Variants in HEATR1 observed in about 807,000 individuals in gnomAD.
The protein encoded by HEATR1 is HEAT repeat containing 1.
A neutral mutation model predicts 248.2 loss-of-function variants in HEATR1; 77 were observed. The observed-to-expected ratio is 0.31, with a 90% CI of 0.26 to 0.37. The LOEUF is 0.37. Ranked by LOEUF, HEATR1 falls within the 10% of genes least tolerant of loss-of-function variation. HEATR1 has a pLI of 1.00. For missense variants in HEATR1, 2,420 were observed against 2,504.9 expected (o/e 0.97, Z 0.72); for synonymous variants, 897 against 923.1 (o/e 0.97, Z 0.51).
At chr1:236,596,105 T>G (rs1454401199) in intron 6 of HEATR1, 61 bp from the exon 7 acceptor site, 2 of 1,219,904 alleles carry the variant, frequency 1.6e-6, no homozygotes, top group Non-Finnish European at 2.3e-6. Context: ...CTACTTTAAA[T>G]GTTAATCTGA....
intron 24 of HEATR1, 137 bp from the exon 25 acceptor site, chr1:236,572,965 C>A (rs1033788182): frequency 2.6e-6 from 2 of 764,742 alleles, no homozygotes; most frequent in African/African-American, 1.7e-5. Flanking sequence ...GAACCCCCCC[C>A]AGCATTGGAT....
At position 236,558,419 on chromosome 1, in the gene HEATR1, T is replaced by G; in HGVS notation, c.5022A>C (p.Leu1674Phe). The G allele has an allele frequency of 6.2e-7, 1 of 1,614,204 alleles. No homozygotes were observed. Among genetic ancestry groups the G allele is most frequent in the Non-Finnish European group, 8.5e-7 (1 of 1,180,012 alleles). Reference sequence around the variant, plus strand: ...CACCAAAATTCTTGCATAAAAGCTTTAAGGTATACAACGCTGTCTGTCTGT... The same window carrying G: ...CACCAAAATTCTTGCATAAAAGCTTGAAGGTATACAACGCTGTCTGTCTGT... ...AINRQTALYT[L>F]KLLCKNFGAE... Residue 1674 changes from leucine (L) to phenylalanine (F), a missense_variant, in exon 36 of 45, where the codon TTA becomes TTC. Physicochemically the swap from Leu to Phe is conservative, Grantham distance 22. Coordinates refer to ENST00000366582, the MANE Select transcript of HEATR1 (RefSeq NM_018072.6).
rs73114880 is a variant in HEATR1 at position 236,595,868 on chromosome 1, G to T, written c.921C>A (p.Leu307=). ...IKDGLSCLIV[L]LQRQKPESLG... is the part of the protein sequence containing the mutation. Reference sequence around the variant, plus strand: ...GGCTCTCTGGCTTCTGTCTCTGCAGGAGCACTATCAAGCAACTTAACCCAT... The same window carrying T: ...GGCTCTCTGGCTTCTGTCTCTGCAGTAGCACTATCAAGCAACTTAACCCAT... Residue 307 remains leucine, a synonymous_variant, in exon 7 of 45, where the codon CTC becomes CTA. Coordinates refer to ENST00000366582, the MANE Select transcript of HEATR1 (RefSeq NM_018072.6). 1.4e-3 allele frequency: 2,250 copies of T among 1,613,828 alleles called. 32 individuals are homozygous for T. In the African/African-American group the frequency reaches 0.026, roughly 19 times the overall value.
intron 12 of HEATR1, among the ~76,000 whole-genome samples, chr1:236,590,326 CAA>C (rs1663999433): frequency 6.6e-6 from 1 of 152,110 alleles, no homozygotes; most frequent in Admixed American, 6.5e-5. Flanking sequence ...CTCTCACACC[CAA>C]GAGATCCTCC....
chr1:236,604,108 C>T lies in HEATR1; in HGVS notation c.-13G>A, dbSNP rs1664403334. 2 of 1,547,746 alleles carry T rather than the reference C, an allele frequency of 1.3e-6. No individual in the cohort carries two copies. The highest frequency in any genetic ancestry group is 2.4e-5 in the East Asian group (1 of 41,914). On this transcript the variant is annotated 5_prime_UTR_variant, in exon 2 of 45. Transcript: ENST00000366582. ...CTAAGGACGTCATCTTTCACGCCAGCGGAGTTTTAATGACACGGGCTAAAA... is the reference window on the plus strand; with the variant it reads ...CTAAGGACGTCATCTTTCACGCCAGTGGAGTTTTAATGACACGGGCTAAAA...
At chr1:236,591,228 A>G (rs975435537) in intron 11 of HEATR1, among the ~76,000 whole-genome samples, 1 of 152,186 alleles carries the variant, frequency 6.6e-6, no homozygotes, top group Admixed American at 6.5e-5. Context: ...GTAATTTTGT[A>G]TTTTGTATGC....
rs1174575896 is a variant in HEATR1 at position 236,566,704 on chromosome 1, A to G, written c.4250T>C (p.Ile1417Thr). The change falls in exon 30 of 45, where the codon ATC becomes ACC. Residue 1417 changes from isoleucine (I) to threonine (T), a missense_variant. By Grantham distance (89) the Ile-to-Thr change is moderately conservative (BLOSUM62 -1). Transcript: ENST00000366582. Reference protein sequence around the residue: ...GAEKFLWILLILLFEQYVTKT... With the variant: ...GAEKFLWILLTLLFEQYVTKT... ...TGTGACATACTGTTCAAAAAGCAAG[A>G]TGAGGAGAATCCAGAGGAATTTCTC... is the stretch of plus-strand genomic sequence containing the variant. The G allele has an allele frequency of 6.2e-7, 1 of 1,614,050 alleles. No homozygotes were observed. The highest frequency in any genetic ancestry group is 8.5e-7 in the Non-Finnish European group (1 of 1,180,036).
In HEATR1 at chr1:236,574,310, G is replaced by A. The variant is rs139299192; in HGVS notation, c.3351C>T (p.Ala1117=). The A allele has an allele frequency of 2.5e-6, 4 of 1,608,696 alleles. No homozygotes were observed. The highest frequency in any genetic ancestry group is 2.7e-5 in the African/African-American group (2 of 74,530). ...TCTGCTGAACTTTTTCATCTGATAT[G>A]GCTGCAAAAAATGGTTTTGTAATCT... ...LEKITKPFFA[A]ISDEKVQQKL... Residue 1117 remains alanine (A), a synonymous_variant, in exon 24 of 45, where the codon GCC becomes GCT. Transcript: ENST00000366582.
chr1:236,560,114 C>T (rs1249596461), intron 33 of HEATR1, among the ~76,000 whole-genome samples: 1 of 149,710 alleles, frequency 6.7e-6, no homozygotes, highest in African/African-American at 2.5e-5. Context: ...GTTTAAGGAA[C>T]TCACTCATAT....
In HEATR1 at chr1:236,603,365, G is replaced by A. The variant is rs748185178; in HGVS notation, c.154C>T (p.Leu52=). 7 of 1,613,548 alleles carry A rather than the reference G, an allele frequency of 4.3e-6. No homozygotes were observed. Among genetic ancestry groups the A allele is most frequent in the Non-Finnish European group, 5.9e-6 (7 of 1,179,910 alleles). ...GGATCAATTCCAAGCAACTCTTCCAGGCCAGTACATCCTAAATTTCAAAAA... is the reference window on the plus strand; with the variant it reads ...GGATCAATTCCAAGCAACTCTTCCAAGCCAGTACATCCTAAATTTCAAAAA... ...DTAFAIGCTG[L]EELLGIDPSF... Residue 52 remains leucine, a synonymous_variant, in exon 3 of 45, where the codon CTG becomes TTG. Coordinates refer to ENST00000366582, the MANE Select transcript of HEATR1 (RefSeq NM_018072.6).
At chr1:236,595,496 C>T in intron 8 of HEATR1, 44 bp downstream of exon 8, 1 of 1,525,344 alleles carries the variant, frequency 6.6e-7, no homozygotes, top group South Asian at 1.2e-5. Context: ...ATTTTAAGAT[C>T]AAATCTTAGA....
Position 236,555,331 on chromosome 1 carries a change from G to A in HEATR1, c.5888C>T (p.Ala1963Val). 4 of 1,614,180 alleles carry A rather than the reference G, an allele frequency of 2.5e-6. No individual in the cohort carries two copies. The highest frequency in any genetic ancestry group is 3.4e-6 in the Non-Finnish European group (4 of 1,180,022). Residue 1963 changes from alanine to valine, a missense_variant, in exon 41 of 45, where the codon GCT (alanine) becomes GTT (valine). Physicochemically the swap from Ala to Val is moderately conservative, Grantham distance 64. Transcript: ENST00000366582. Reference sequence around the variant, plus strand: ...GATGTTCACCTGGTTCAAGGTGTCAGCAAAAGGCTTCACTAAGTGGCCGGC... The same window carrying A: ...GATGTTCACCTGGTTCAAGGTGTCAACAAAAGGCTTCACTAAGTGGCCGGC... The part of the protein sequence containing the change: ...LFAGHLVKPF[A>V]DTLNQVNISK...
At chr1:236,555,045 A>G (rs1662920777) in intron 41 of HEATR1, among the ~76,000 whole-genome samples, 2 of 152,192 alleles carry the variant, frequency 1.3e-5, no homozygotes, top group African/African-American at 4.8e-5. Context: ...TTTTAAAGTT[A>G]CTTCCAGTAA....
intron 36 of HEATR1, 65 bp from the exon 37 acceptor site, chr1:236,557,410 A>G: frequency 6.5e-7 from 1 of 1,542,730 alleles, no homozygotes. Context: ...AATGGAGTAG[A>G]GGGCATTATG....
Position 236,582,822 on chromosome 1 carries a change from G to C in HEATR1, c.2476C>G (p.Leu826Val). 2 of 1,613,942 alleles carry C rather than the reference G, an allele frequency of 1.2e-6. No homozygotes were observed. Among genetic ancestry groups the C allele is most frequent in the Non-Finnish European group, 1.7e-6 (2 of 1,179,790 alleles). ...EQLKEDSRDY[L>V]HLLIGLFEMM... ...TCAAACAGCCCAATGAGCAAGTGCAGATAGTCCCTGCTGTCTTCTTTCAGT... is the reference window on the plus strand; with the variant it reads ...TCAAACAGCCCAATGAGCAAGTGCACATAGTCCCTGCTGTCTTCTTTCAGT... The change falls in exon 19 of 45, where the codon CTG becomes GTG. Residue 826 changes from leucine to valine, a missense_variant. Coordinates refer to ENST00000366582, the MANE Select transcript of HEATR1 (RefSeq NM_018072.6).
intron 3 of HEATR1, among the ~76,000 whole-genome samples, chr1:236,601,996 G>A (rs1401139321): frequency 2.0e-5 from 3 of 151,876 alleles, no homozygotes; most frequent in African/African-American, 7.3e-5. Context: ...AAAATTAACT[G>A]GGCGTAGTGG....
chr1:236,587,889 TGAG>T (rs1663936104), intron 13 of HEATR1, 56 bp downstream of exon 13: 1 of 1,192,480 alleles, frequency 8.4e-7, no homozygotes, highest in African/African-American at 1.5e-5. Context: ...GAGAATCAAG[TGAG>T]AAGGGCAAGG....
intron 20 of HEATR1, among the ~76,000 whole-genome samples, 195 bp from the exon 21 acceptor site, chr1:236,577,144 C>CAAATTT (rs57813451): frequency 6.6e-6 from 1 of 151,348 alleles, no homozygotes; most frequent in South Asian, 2.1e-4. Flanking sequence ...TGAAAATACA[C>CAAATTT]AAGAGCATAC....
chr1:236,580,741 T>A (rs1314575220), intron 20 of HEATR1, among the ~76,000 whole-genome samples: 1 of 151,864 alleles, frequency 6.6e-6, no homozygotes, highest in Non-Finnish European at 1.5e-5. Context: ...GGTCTTGAAC[T>A]CTTGGCCTCA....
Sources: allele counts gnomAD v4.1 joint callset (sites outside exome capture counted in the v4.1 genomes callset), GRCh38; gene constraint gnomAD v4.1.1; transcripts MANE v1.5; gene names NCBI Gene and HGNC (gene_info 2026-07-23, HGNC 2026-07-21).